The following ERBB4 variants were observed in gnomAD, a reference collection of about 807,000 sequenced individuals.
ERBB4 encodes receptor tyrosine-protein kinase erbB-4.
In ERBB4, 42 loss-of-function variants were observed where a neutral mutation model predicts 158.0. The ratio of observed to expected loss-of-function variants is 0.27; its 90% CI spans 0.21 to 0.34. ERBB4 has a LOEUF of 0.34. ERBB4 is among the 10% of genes least tolerant of loss of function. The probability of loss-of-function intolerance (pLI) is 1.00; values close to 1 mark genes in which losing one functional copy is unlikely to be tolerated. For missense variants in ERBB4, 1,333 were observed against 1,624.1 expected (o/e 0.82, Z 3.08); for synonymous variants, 583 against 558.7 (o/e 1.04, Z -0.61).
chr2:211,561,824 T>C (rs1217892204), intron 20 of ERBB4, 79 bp downstream of exon 20: 2 of 1,233,026 alleles, frequency 1.6e-6, no homozygotes, highest in East Asian at 2.3e-5. Flanking sequence ...AGACAACATA[T>C]TTTCAATATG....
intron 20 of ERBB4, among the ~76,000 whole-genome samples, chr2:211,490,872 G>A (rs2065324382): frequency 6.6e-6 from 1 of 152,006 alleles, no homozygotes; most frequent in Non-Finnish European, 1.5e-5. Context: ...AATCACATAT[G>A]CAAGCATATT....
intron 1 of ERBB4, among the ~76,000 whole-genome samples, chr2:212,164,619 T>C (rs2081294330): frequency 6.6e-6 from 1 of 152,084 alleles, no homozygotes; most frequent in South Asian, 2.1e-4. Context: ...TATTATTTCT[T>C]CCTGCTGTTA....
intron 3 of ERBB4, among the ~76,000 whole-genome samples, chr2:211,896,251 C>T (rs2079095299): frequency 6.6e-6 from 1 of 152,146 alleles, no homozygotes; most frequent in South Asian, 2.1e-4. Flanking sequence ...AAATTAAACT[C>T]CTGATTCTCT....
intron 2 of ERBB4, among the ~76,000 whole-genome samples, chr2:212,040,650 GGTAA>G (rs1401365379): frequency 9.9e-5 from 15 of 151,962 alleles, no homozygotes; most frequent in African/African-American, 2.9e-4. Flanking sequence ...TGGTAGCTCC[GGTAA>G]GTGTTTATCA....
rs771154734 is a variant in ERBB4, at chr2:211,679,104, G to A, written c.1570C>T (p.Arg524Cys). The change falls in exon 13 of 28, where the codon CGC (arginine) becomes TGC (cysteine). Residue 524 changes from arginine (R) to cysteine (C), a missense_variant. Arg to Cys is a radical substitution (Grantham distance 180, BLOSUM62 -3). This residue lies in a region of ERBB4 where 245 missense variants were observed against 247.5 expected (regional missense o/e 0.99). Transcript: ENST00000342788. ...GPGPDQCLSCRRFSRGRICIE... is the reference protein window; with the variant it reads ...GPGPDQCLSCCRFSRGRICIE... ...CAGATCCTTCCTCTACTGAAGCGGC[G>A]ACACGACAGACATTGGTCTGGCCCA... The A allele has an allele frequency of 3.7e-5, 60 of 1,613,320 alleles. No homozygotes were observed. The highest frequency in any genetic ancestry group is 4.8e-5 in the Non-Finnish European group (57 of 1,179,770).
rs539233140 is a variant in ERBB4, at chr2:212,325,586, T to C, written c.83-200683A>G. ...AATAAAACATAAATGCATTCTTGTT[T>C]AGTTCGAACTGTGGGGAAATGCATA... On this transcript the variant is annotated intron_variant, in intron 1 of 27. Transcript: ENST00000342788. 3.8e-4 allele frequency among the ~76,000 whole-genome samples: 57 copies of C among 150,932 alleles called. 1 individual carries two copies. Among genetic ancestry groups the C allele is most frequent in the African/African-American group, 1.4e-3 (57 of 41,478 alleles).
intron 1 of ERBB4, among the ~76,000 whole-genome samples, chr2:212,148,825 C>T (rs2080770304): frequency 6.9e-6 from 1 of 143,904 alleles, no homozygotes; most frequent in Non-Finnish European, 1.5e-5. Flanking sequence ...CCATGGAATA[C>T]TATGCAGCCA....
chr2:211,830,776 AG>A (rs1319894682), intron 3 of ERBB4, among the ~76,000 whole-genome samples: 2 of 152,140 alleles, frequency 1.3e-5, no homozygotes, highest in Non-Finnish European at 2.9e-5. Flanking sequence ...ATAACAATGA[AG>A]TGAAATGAGA....
At chr2:211,772,914 C>CACATATATATATAT (rs2075745559) in intron 4 of ERBB4, among the ~76,000 whole-genome samples, 1 of 33,916 alleles carries the variant, frequency 2.9e-5, no homozygotes. Context: ...TATATACACA[C>CACATATATATATAT]ACACACACAC....
chr2:211,601,966 T>C (rs2068814834), intron 19 of ERBB4, among the ~76,000 whole-genome samples: 1 of 152,190 alleles, frequency 6.6e-6, no homozygotes, highest in Non-Finnish European at 1.5e-5. Context: ...GTGTCCTCTG[T>C]GATAAATAAG....
At chr2:211,947,892 G>T (rs1169262524) in intron 2 of ERBB4, among the ~76,000 whole-genome samples, 2 of 152,064 alleles carry the variant, frequency 1.3e-5, no homozygotes, top group Non-Finnish European at 2.9e-5. Flanking sequence ...TCATACCTGA[G>T]ATTTGAATAT....
intron 20 of ERBB4, among the ~76,000 whole-genome samples, chr2:211,480,122 T>C (rs2065046572): frequency 1.3e-5 from 2 of 152,184 alleles, no homozygotes; most frequent in South Asian, 4.1e-4. Flanking sequence ...TTTTTCTTCT[T>C]GTTACATGCA....
chr2:212,371,732 T>C (rs1337893869), intron 1 of ERBB4, among the ~76,000 whole-genome samples: 1 of 152,070 alleles, frequency 6.6e-6, no homozygotes, highest in Non-Finnish European at 1.5e-5. Flanking sequence ...TCCCATACTA[T>C]AGATGAGGAA....
At chr2:211,640,360 G>A (rs2070532214) in intron 16 of ERBB4, among the ~76,000 whole-genome samples, 1 of 152,110 alleles carries the variant, frequency 6.6e-6, no homozygotes, top group South Asian at 2.1e-4. Context: ...AGTGAGATGG[G>A]AAAAGACTTT....
intron 20 of ERBB4, among the ~76,000 whole-genome samples, chr2:211,495,759 T>A (rs796629233): frequency 6.6e-6 from 1 of 152,066 alleles, no homozygotes; most frequent in South Asian, 2.1e-4. Context: ...CTAAAAATAA[T>A]CAGAGAAAAT....
At chr2:211,964,283 A>G (rs1015670444) in intron 2 of ERBB4, among the ~76,000 whole-genome samples, 11 of 152,156 alleles carry the variant, frequency 7.2e-5, no homozygotes, top group Non-Finnish European at 1.2e-4. Context: ...CTCTTCATCA[A>G]CATCATCACA....
intron 1 of ERBB4, among the ~76,000 whole-genome samples, chr2:212,415,553 C>T (rs1187745144): frequency 1.3e-5 from 2 of 151,982 alleles, no homozygotes; most frequent in African/African-American, 2.4e-5. Context: ...ACATAAAGTT[C>T]TTTGGATGGA....
At chr2:212,412,718 T>G (rs2091533357) in intron 1 of ERBB4, among the ~76,000 whole-genome samples, 1 of 152,240 alleles carries the variant, frequency 6.6e-6, no homozygotes, top group Non-Finnish European at 1.5e-5. Context: ...TTTCCTGTTG[T>G]CTTTAGATCT....
intron 2 of ERBB4, among the ~76,000 whole-genome samples, chr2:212,115,715 C>T (rs1005401620): frequency 6.6e-6 from 1 of 152,078 alleles, no homozygotes; most frequent in South Asian, 2.1e-4. Context: ...CACCATGTTC[C>T]TCGGGCTAGT....
Sources: gnomAD v4.1 joint callset for allele counts (sites outside exome capture counted in the v4.1 genomes callset) on GRCh38, gnomAD v4.1.1 for gene constraint, gnomAD v4.1.1 regional missense constraint, MANE v1.5 for transcripts, NCBI Gene and HGNC (gene_info 2026-07-23, HGNC 2026-07-21) for gene names.